The following DOCK3 variants were observed in gnomAD, a reference collection of about 807,000 sequenced individuals.
DOCK3 encodes the protein dedicator of cytokinesis 3.
A neutral mutation model predicts 265.6 loss-of-function variants in DOCK3; 60 were observed. That is an observed-to-expected ratio of 0.23 (90% CI 0.18 to 0.28). DOCK3 has a LOEUF of 0.28. DOCK3 is among the 10% of genes least tolerant of loss of function. The pLI is 1.00. For synonymous variants in DOCK3, 881 were observed against 938.0 expected (o/e 0.94, Z 1.11); for missense variants, 1,981 against 2,594.3 (o/e 0.76, Z 5.14).
intron 5 of DOCK3, among the ~76,000 whole-genome samples, chr3:51,004,723 T>G (rs982113850): frequency 7.3e-5 from 11 of 150,974 alleles, no homozygotes; most frequent in African/African-American, 2.4e-4. Context: ...AGTTTTTTTT[T>G]TTTTTTTTTT....
At chr3:51,223,691 C>A (rs2090199020) in intron 14 of DOCK3, among the ~76,000 whole-genome samples, 1 of 152,008 alleles carries the variant, frequency 6.6e-6, no homozygotes, top group African/African-American at 2.4e-5. Flanking sequence ...TTAAAAATTC[C>A]AGGTATAACT....
chr3:50,856,773 G>A (rs1360368093), intron 3 of DOCK3, among the ~76,000 whole-genome samples: 1 of 152,000 alleles, frequency 6.6e-6, no homozygotes, highest in African/African-American at 2.4e-5. Flanking sequence ...CAGTTCTTAG[G>A]AGGCATGCTT....
intron 1 of DOCK3, among the ~76,000 whole-genome samples, chr3:50,683,781 G>A (rs1434722219): frequency 6.6e-6 from 1 of 151,478 alleles, no homozygotes; most frequent in Non-Finnish European, 1.5e-5. Context: ...TTTTCTCAGA[G>A]TTTTGTTTCT....
intron 4 of DOCK3, chr3:50,901,536 G>C (rs527735061): frequency 1.6e-5 from 7 of 435,738 alleles, no homozygotes; most frequent in South Asian, 5.1e-5. Flanking sequence ...ATATGCTGCA[G>C]TTAGCTCAGT....
chr3:50,701,215 C>T (rs1576153917), intron 1 of DOCK3, among the ~76,000 whole-genome samples: 2 of 150,790 alleles, frequency 1.3e-5, no homozygotes, highest in African/African-American at 4.9e-5. Flanking sequence ...ACTGCAGCCT[C>T]GAATTCCTGG....
intron 9 of DOCK3, among the ~76,000 whole-genome samples, chr3:51,110,364 C>A (rs2083462041): frequency 6.6e-6 from 1 of 150,844 alleles, no homozygotes; most frequent in Non-Finnish European, 1.5e-5. Flanking sequence ...CAGAGACACA[C>A]CACCACCACC....
chr3:50,766,784 GT>G lies in DOCK3; in HGVS notation c.38-11889del, dbSNP rs570287578. On this transcript the variant is annotated intron_variant, in intron 1 of 52. Transcript: ENST00000266037. ...TTTCTCCACATCCTCTCCAGCACCT[GT>G]TGTTTCTTGACTTTTTAATGATTGC... 1.5e-3 allele frequency among the ~76,000 whole-genome samples: 236 copies of G among 152,260 alleles called. 1 individual carries two copies. In the Middle Eastern group the frequency reaches 0.027, roughly 18 times the overall value.
chr3:51,009,603 G>A (rs957148050), intron 5 of DOCK3, among the ~76,000 whole-genome samples: 34 of 151,970 alleles, frequency 2.2e-4, no homozygotes, highest in Non-Finnish European at 3.7e-4. Context: ...AGGGTTTTTT[G>A]TATCTCTATC....
chr3:50,804,342 C>T (rs2043271963), intron 2 of DOCK3, among the ~76,000 whole-genome samples: 1 of 152,170 alleles, frequency 6.6e-6, no homozygotes, highest in African/African-American at 2.4e-5. Context: ...GGGGTGGCGG[C>T]TGGGCAGAGG....
chr3:50,736,242 A>G (rs560146460), intron 1 of DOCK3, among the ~76,000 whole-genome samples: 1 of 152,132 alleles, frequency 6.6e-6, no homozygotes, highest in Non-Finnish European at 1.5e-5. Context: ...ATCCTTTTTT[A>G]TGGCAGCATA....
At chr3:51,347,487 C>T (rs538026169) in intron 38 of DOCK3, among the ~76,000 whole-genome samples, 2 of 152,190 alleles carry the variant, frequency 1.3e-5, no homozygotes, top group Admixed American at 1.3e-4. Flanking sequence ...TGTTCTGTTC[C>T]GTTGGTCCAT....
At chr3:50,861,416 T>C (rs1214239997) in intron 3 of DOCK3, among the ~76,000 whole-genome samples, 1 of 152,204 alleles carries the variant, frequency 6.6e-6, no homozygotes, top group Admixed American at 6.5e-5. Context: ...TGGTAGTTGC[T>C]TGGAGTATTC....
At chr3:51,093,915 A>G (rs1250465001) in intron 9 of DOCK3, among the ~76,000 whole-genome samples, 2 of 152,154 alleles carry the variant, frequency 1.3e-5, no homozygotes, top group African/African-American at 2.4e-5. Flanking sequence ...TTCTGCATCT[A>G]TTGAGATAAA....
At chr3:50,864,088 C>CTTT (rs1172047736) in intron 3 of DOCK3, among the ~76,000 whole-genome samples, 6 of 152,126 alleles carry the variant, frequency 3.9e-5, no homozygotes, top group African/African-American at 1.4e-4. Flanking sequence ...AGTGTATGTG[C>CTTT]TTTTCTCTAC....
intron 4 of DOCK3, among the ~76,000 whole-genome samples, chr3:50,908,176 ATT>A (rs34822979): frequency 9.1e-4 from 94 of 103,082 alleles, no homozygotes; most frequent in African/African-American, 1.9e-3. Context: ...AGATTCATTG[ATT>A]TTTTTTTTTT....
chr3:51,308,110 T>G (rs2082803862), intron 27 of DOCK3, among the ~76,000 whole-genome samples: 1 of 152,122 alleles, frequency 6.6e-6, no homozygotes, highest in South Asian at 2.1e-4. Context: ...TTTTCATGAC[T>G]TTCATGATTC....
chr3:51,038,776 AATCT>A (rs2080367556), intron 5 of DOCK3, among the ~76,000 whole-genome samples: 1 of 151,914 alleles, frequency 6.6e-6, no homozygotes, highest in Non-Finnish European at 1.5e-5. Flanking sequence ...GATCCTCTCT[AATCT>A]TATTTGTATA....
chr3:51,281,773 G>A (rs2081131761), intron 27 of DOCK3, among the ~76,000 whole-genome samples: 1 of 152,178 alleles, frequency 6.6e-6, no homozygotes, highest in Admixed American at 6.5e-5. Context: ...CTTCCCTGTA[G>A]ATGGCCAAAG....
At chr3:51,188,917 T>C (rs1285817330) in intron 12 of DOCK3, among the ~76,000 whole-genome samples, 2 of 152,200 alleles carry the variant, frequency 1.3e-5, no homozygotes, top group Non-Finnish European at 2.9e-5. Flanking sequence ...AGTTCAGATA[T>C]CCCTTTGACA....
Sources: gnomAD v4.1 joint callset for allele counts (sites outside exome capture counted in the v4.1 genomes callset) on GRCh38, gnomAD v4.1.1 for gene constraint, MANE v1.5 for transcripts, NCBI Gene and HGNC (gene_info 2026-07-23, HGNC 2026-07-21) for gene names.